CPNE5: variants seen among roughly 807,000 people sequenced by gnomAD.
The protein encoded by CPNE5 is copine 5.
In CPNE5, 42 loss-of-function variants were observed where a neutral mutation model predicts 81.1. That is an observed-to-expected ratio of 0.52 (90% CI 0.40 to 0.67). The LOEUF (loss-of-function observed/expected upper bound fraction) is 0.67. Ranked by LOEUF, CPNE5 falls within the 30% of genes least tolerant of loss-of-function variation. The pLI is 0.00. For missense variants in CPNE5, 612 were observed against 815.5 expected (o/e 0.75, Z 3.04); for synonymous variants, 313 against 321.5 (o/e 0.97, Z 0.28).
At chr6:36,793,966 A>T (rs1383013715) in intron 7 of CPNE5, among the ~76,000 whole-genome samples, 1 of 152,170 alleles carries the variant, frequency 6.6e-6, no homozygotes, top group Non-Finnish European at 1.5e-5. Flanking sequence ...CCCAACCGGG[A>T]AAGAAGGGGA....
In CPNE5 at chr6:36,827,679, T is replaced by C. The variant is rs1003488624; in HGVS notation, c.96-4581A>G. 8 of 985,244 alleles carry C rather than the reference T, an allele frequency of 8.1e-6. No individual in the cohort carries two copies. The African/African-American group carries it at 1.4e-4, about 17-fold the overall frequency. 61.0% of individuals were successfully genotyped at this position (985,244 alleles called of 1,614,324 possible). A position where few individuals can be genotyped will look rare whatever the true frequency, so the allele number is the denominator to read the frequency against. ...ATCCTCACCATGATCCACTGAGGAC[T>C]TCCAGGCCCAGGGGCAATGAGTCAC... On this transcript the variant is annotated intron_variant, in intron 1 of 20. Coordinates refer to ENST00000244751, the MANE Select transcript of CPNE5 (RefSeq NM_020939.2).
chr6:36,784,758 A>G (rs1768371431), intron 8 of CPNE5, among the ~76,000 whole-genome samples: 1 of 152,100 alleles, frequency 6.6e-6, no homozygotes, highest in Non-Finnish European at 1.5e-5. Flanking sequence ...CCTGGACAAC[A>G]TGGTGAAACC....
intron 12 of CPNE5, among the ~76,000 whole-genome samples, chr6:36,756,749 C>T (rs751370376): frequency 6.6e-6 from 1 of 152,212 alleles, no homozygotes; most frequent in Non-Finnish European, 1.5e-5. Context: ...AAGGGCTGCC[C>T]AGGGCCTCTG....
chr6:36,798,950 C>T (rs183669525), intron 4 of CPNE5, among the ~76,000 whole-genome samples: 1 of 152,226 alleles, frequency 6.6e-6, no homozygotes, highest in African/African-American at 2.4e-5. Context: ...TTCACCCTAC[C>T]CAGGCCTGCC....
At chr6:36,799,936 G>A in intron 4 of CPNE5, 31 bp downstream of exon 4, 1 of 1,490,898 alleles carries the variant, frequency 6.7e-7, no homozygotes, top group Non-Finnish European at 9.4e-7. Context: ...CTCCCCACCT[G>A]GCTGCATCTT....
rs57390286 is a variant in CPNE5, at chr6:36,746,930, C to T, written c.1019-353G>A. Among the ~76,000 whole-genome samples, 1,303 of 145,850 alleles carry T rather than the reference C, an allele frequency of 8.9e-3. 11 individuals carry two copies. The highest frequency in any genetic ancestry group is 0.028 in the African/African-American group (1,083 of 38,988). On this transcript the variant is annotated intron_variant, in intron 15 of 20. Transcript: ENST00000244751. This position sits in a 1 kb window ranked among gnomAD's most constrained non-coding sequence, Gnocchi z 4.5. Reference sequence around the variant, plus strand: ...CTCTGCCCAAAACGCTCAATGCCTCCACCTCCCCCAAAATGAAACCCAAAG... The same window carrying T: ...CTCTGCCCAAAACGCTCAATGCCTCTACCTCCCCCAAAATGAAACCCAAAG...
chr6:36,787,158 T>G lies in CPNE5; in HGVS notation c.528+4875A>C, dbSNP rs76659690. On this transcript the variant is annotated intron_variant, in intron 8 of 20. Transcript: ENST00000244751. ...CCTTCACCACCTCCCCCACTTACTT[T>G]GACTCTTCCTTCTCATCTCTCTTTC... Among the ~76,000 whole-genome samples the G allele has an allele frequency of 8.9e-3, 1,353 of 152,302 alleles. 15 individuals carry two copies. The highest frequency in any genetic ancestry group is 0.031 in the African/African-American group (1,298 of 41,560).
chr6:36,753,185 G>T, intron 13 of CPNE5, 90 bp from the exon 14 acceptor site: 1 of 1,060,130 alleles, frequency 9.4e-7, no homozygotes, highest in South Asian at 1.3e-5. Context: ...CAGAACACTC[G>T]GCATGTGCCA....
chr6:36,817,418 G>A (rs1771644326), intron 3 of CPNE5, among the ~76,000 whole-genome samples: 1 of 152,162 alleles, frequency 6.6e-6, no homozygotes, highest in Non-Finnish European at 1.5e-5. Flanking sequence ...CCTGGAGTCT[G>A]GGCACGGGTC....
intron 3 of CPNE5, among the ~76,000 whole-genome samples, 160 bp from the exon 4 acceptor site, chr6:36,800,230 G>A (rs929851480): frequency 6.6e-6 from 1 of 152,156 alleles, no homozygotes; most frequent in African/African-American, 2.4e-5. Flanking sequence ...CCCAATCAAA[G>A]CACGAGTTCT....
At chr6:36,816,059 C>T (rs1045837732) in intron 3 of CPNE5, among the ~76,000 whole-genome samples, 6 of 152,214 alleles carry the variant, frequency 3.9e-5, no homozygotes, top group African/African-American at 1.4e-4. Context: ...CCCACCTGGC[C>T]ATCCTGCCTT....
In CPNE5 at chr6:36,773,412, A is replaced by G. The variant is rs114260777; in HGVS notation, c.737+1549T>C. 3.8e-3 allele frequency among the ~76,000 whole-genome samples: 582 copies of G among 152,274 alleles called. 3 individuals carry two copies. Among genetic ancestry groups the G allele is most frequent in the African/African-American group, 0.013 (545 of 41,552 alleles). The stretch of plus-strand genomic sequence containing the variant: ...TCTCTCGGCGCTTGCTACAATGTAT[A>G]ATTACATGTTTCCTTGTGTGATTAT... On this transcript the variant is annotated intron_variant, in intron 10 of 20. Coordinates refer to ENST00000244751, the MANE Select transcript of CPNE5 (RefSeq NM_020939.2).
At chr6:36,802,217 CAAAAAAAAAAAAAAAA>C (rs57677612) in intron 3 of CPNE5, among the ~76,000 whole-genome samples, 6 of 56,716 alleles carry the variant, frequency 1.1e-4, no homozygotes, top group Non-Finnish European at 1.6e-4. Flanking sequence ...GACTCCATCT[CAAAAAAAAAAAAAAAA>C]AAAAAAAAAA....
chr6:36,796,678 AT>A (rs1373096894), intron 6 of CPNE5, among the ~76,000 whole-genome samples: 1 of 152,228 alleles, frequency 6.6e-6, no homozygotes, highest in Non-Finnish European at 1.5e-5. Context: ...TGAATTTTGT[AT>A]GCTTTTTTGC....
intron 8 of CPNE5, among the ~76,000 whole-genome samples, chr6:36,787,934 G>T (rs1444748751): frequency 2.0e-5 from 3 of 152,152 alleles, no homozygotes; most frequent in Non-Finnish European, 2.9e-5. Context: ...AGCAAGGCAG[G>T]TCTGGGTGGC....
In CPNE5 at chr6:36,745,370, G is replaced by A. The variant is rs760456043; in HGVS notation, c.1328+18C>T. On this transcript the variant is annotated intron_variant, in intron 17 of 20. Coordinates refer to ENST00000244751, the MANE Select transcript of CPNE5 (RefSeq NM_020939.2). ...AGAGGCCTTGTGAGTGCCTGGAGGCGGTGGCAGCGGCACTCACCTGGCCAC... is the reference window on the plus strand; with the variant it reads ...AGAGGCCTTGTGAGTGCCTGGAGGCAGTGGCAGCGGCACTCACCTGGCCAC... 69 of 1,598,740 alleles carry A rather than the reference G, an allele frequency of 4.3e-5. No homozygotes were observed. The highest frequency in any genetic ancestry group is 3.6e-4 in the Middle Eastern group (2 of 5,520).
At chr6:36,813,255 G>T (rs866985595) in intron 3 of CPNE5, among the ~76,000 whole-genome samples, 1 of 152,198 alleles carries the variant, frequency 6.6e-6, no homozygotes, top group Non-Finnish European at 1.5e-5. Context: ...AATAGGCCAG[G>T]TGTGGTGGCC....
rs1386920731 is a variant in CPNE5, at chr6:36,798,351, C to T, written c.327+104G>A. ...GCGTGAGGGCCCTTAAATGACAGGA[C>T]GCAGCGTCGGACACACATTCCATCA... is the stretch of plus-strand genomic sequence containing the variant. On this transcript the variant is annotated intron_variant, in intron 5 of 20. Transcript: ENST00000244751. 19 of 1,496,178 alleles carry T rather than the reference C, an allele frequency of 1.3e-5. No homozygotes were observed. In the Admixed American group the frequency reaches 1.4e-4, roughly 11 times the overall value. The allele number at this position is 1,496,178 out of a possible 1,614,324, so 92.7% of individuals were successfully genotyped here.
rs138038478 is a variant in CPNE5, at chr6:36,769,773, G to A, written c.738-4397C>T. Among the ~76,000 whole-genome samples the A allele has an allele frequency of 3.9e-3, 595 of 152,320 alleles. 3 individuals carry two copies. The highest frequency in any genetic ancestry group is 0.014 in the African/African-American group (570 of 41,544). On this transcript the variant is annotated intron_variant, in intron 10 of 20. Transcript: ENST00000244751. ...TGCATGTGAATACCGAGAACGGTACGATGCCCTTCATCGAGGCCATCTGTG... is the reference window on the plus strand; with the variant it reads ...TGCATGTGAATACCGAGAACGGTACAATGCCCTTCATCGAGGCCATCTGTG...
Sources: allele counts gnomAD v4.1 joint callset (sites outside exome capture counted in the v4.1 genomes callset), GRCh38; gene constraint gnomAD v4.1.1; non-coding constraint Gnocchi (gnomAD v3.1); transcripts MANE v1.5; gene names NCBI Gene and HGNC (gene_info 2026-07-23, HGNC 2026-07-21).